The following ASAP1 variants were observed in gnomAD, a reference collection of about 807,000 sequenced individuals.
The protein encoded by ASAP1 is arf-GAP with SH3 domain, ANK repeat and PH domain-containing protein 1.
ASAP1 carries 43 observed loss-of-function variants against 145.2 expected under a neutral mutation model. That is an observed-to-expected ratio of 0.30 (90% CI 0.23 to 0.38). The LOEUF is 0.38. Ranked by LOEUF, ASAP1 falls within the 10% of genes least tolerant of loss-of-function variation. The pLI, the probability that ASAP1 is intolerant of heterozygous loss-of-function variation, is 1.00. For missense variants in ASAP1, 1,018 were observed against 1,355.3 expected, an observed-to-expected ratio of 0.75 and a Z score of 3.91; for synonymous variants, 546 against 515.5, an observed-to-expected ratio of 1.06 and a Z score of -0.80.
At chr8:130,223,284 G>A (rs1363985561) in intron 4 of ASAP1, among the ~76,000 whole-genome samples, 1 of 152,104 alleles carries the variant, frequency 6.6e-6, no homozygotes, top group Non-Finnish European at 1.5e-5. Flanking sequence ...GTGACACAGA[G>A]ACTTGGGTCT....
chr8:130,274,666 G>A (rs1457351470), intron 3 of ASAP1, among the ~76,000 whole-genome samples: 1 of 152,168 alleles, frequency 6.6e-6, no homozygotes, highest in Admixed American at 6.5e-5. Context: ...ATTCAAGTCC[G>A]AGTGATCAAC....
intron 4 of ASAP1, among the ~76,000 whole-genome samples, chr8:130,234,086 A>G (rs1818067840): frequency 6.6e-6 from 1 of 152,144 alleles, no homozygotes; most frequent in Non-Finnish European, 1.5e-5. Flanking sequence ...TAATCAACAA[A>G]GGTAAGAATC....
chr8:130,192,579 G>A lies in ASAP1; in HGVS notation c.406-4396C>T, dbSNP rs142432527. Among the ~76,000 whole-genome samples, 98 of 152,208 alleles carry A rather than the reference G, an allele frequency of 6.4e-4. 3 individuals are homozygous for A. The East Asian group carries it at 0.015, about 24-fold the overall frequency. On this transcript the variant is annotated intron_variant, in intron 5 of 29. Transcript: ENST00000518721. ...ATGGGCCTTAGAAGTTTGGATGGATGGTGGGTAAGTAAGGTTGGGGGGCCT... is the reference window on the plus strand; with the variant it reads ...ATGGGCCTTAGAAGTTTGGATGGATAGTGGGTAAGTAAGGTTGGGGGGCCT...
chr8:130,201,964 T>C (rs1354910324), intron 5 of ASAP1, among the ~76,000 whole-genome samples: 1 of 152,274 alleles, frequency 6.6e-6, no homozygotes, highest in East Asian at 1.9e-4. Flanking sequence ...AACAAACATA[T>C]GCAAGCACAC....
chr8:130,093,666 CAAAAAAA>C (rs71572317), intron 24 of ASAP1, among the ~76,000 whole-genome samples: 2 of 52,210 alleles, frequency 3.8e-5, no homozygotes, highest in Non-Finnish European at 6.8e-5. Context: ...GACTCCGTCT[CAAAAAAA>C]AAAAAAAAAA....
intron 5 of ASAP1, among the ~76,000 whole-genome samples, chr8:130,208,035 C>A (rs1032430551): frequency 2.6e-5 from 4 of 152,064 alleles, no homozygotes; most frequent in African/African-American, 9.7e-5. Context: ...AACACTTTCC[C>A]CTACTTTTCT....
At chr8:130,155,969 T>C (rs1209702909) in intron 12 of ASAP1, among the ~76,000 whole-genome samples, 1 of 152,252 alleles carries the variant, frequency 6.6e-6, no homozygotes, top group Non-Finnish European at 1.5e-5. Flanking sequence ...TCTCTAGCTA[T>C]GTGACTTTGC....
intron 24 of ASAP1, among the ~76,000 whole-genome samples, chr8:130,093,154 G>A (rs1418150802): frequency 1.3e-5 from 2 of 152,052 alleles, no homozygotes; most frequent in South Asian, 4.1e-4. Context: ...AAGACAGCAG[G>A]AATGATAGTA....
chr8:130,441,618 G>A (rs1830490865), intron 1 of ASAP1, among the ~76,000 whole-genome samples: 1 of 152,176 alleles, frequency 6.6e-6, no homozygotes, highest in Non-Finnish European at 1.5e-5. Context: ...ATGCCAGCTG[G>A]GACGTGAGTC....
At chr8:130,425,819 G>C (rs1260102311) in intron 1 of ASAP1, among the ~76,000 whole-genome samples, 1 of 152,172 alleles carries the variant, frequency 6.6e-6, no homozygotes, top group East Asian at 1.9e-4. Flanking sequence ...CAAACTTGAT[G>C]TATAGTATCT....
chr8:130,119,167 C>T (rs951168666), intron 18 of ASAP1, among the ~76,000 whole-genome samples: 2 of 152,164 alleles, frequency 1.3e-5, no homozygotes, highest in African/African-American at 4.8e-5. Flanking sequence ...TGGTCTTGAA[C>T]TCCTGAGCTC....
chr8:130,072,831 G>GTGCGT lies in ASAP1; in HGVS notation c.2701+3516_2701+3517insACGCA, dbSNP rs58907739. Among the ~76,000 whole-genome samples the GTGCGT allele has an allele frequency of 1.5e-3, 162 of 110,770 alleles. 6 individuals are homozygous for GTGCGT. In the Middle Eastern group the frequency reaches 0.018, roughly 12 times the overall value. The allele number at this position is 110,770 out of a possible 152,430, so 72.7% of individuals were successfully genotyped here. On this transcript the variant is annotated intron_variant, in intron 27 of 29. Transcript: ENST00000518721. ...TGTGTGTGTGTGTGTGTGTGCGCGC[G>GTGCGT]GGGGGGGGCAGTTTTGGGGACTGAG... is the stretch of plus-strand genomic sequence containing the variant.
At chr8:130,187,484 C>G (rs1814816876) in intron 6 of ASAP1, among the ~76,000 whole-genome samples, 199 bp from the exon 7 acceptor site, 1 of 151,138 alleles carries the variant, frequency 6.6e-6, no homozygotes, top group Non-Finnish European at 1.5e-5. Flanking sequence ...GCCACAATCA[C>G]AGCTCACTGT....
chr8:130,277,728 G>A (rs1367297850), intron 3 of ASAP1, among the ~76,000 whole-genome samples: 1 of 152,180 alleles, frequency 6.6e-6, no homozygotes, highest in Non-Finnish European at 1.5e-5. Flanking sequence ...CTCCAATTGG[G>A]AAATGATTTC....
At chr8:130,351,946 C>T (rs1826020556) in intron 3 of ASAP1, among the ~76,000 whole-genome samples, 1 of 152,196 alleles carries the variant, frequency 6.6e-6, no homozygotes, top group Non-Finnish European at 1.5e-5. Flanking sequence ...TATACAATTT[C>T]CTTCTCCCTT....
At chr8:130,428,378 T>C (rs1830002593) in intron 1 of ASAP1, among the ~76,000 whole-genome samples, 1 of 14,398 alleles carries the variant, frequency 6.9e-5, no homozygotes, top group South Asian at 1.9e-3. Flanking sequence ...GGCCACCTTC[T>C]GGGTGAGTCT....
At chr8:130,135,780 C>T (rs1586407562) in intron 14 of ASAP1, among the ~76,000 whole-genome samples, 1 of 152,284 alleles carries the variant, frequency 6.6e-6, no homozygotes, top group Non-Finnish European at 1.5e-5. Context: ...GGGTTTTTGG[C>T]TTTTTGAAGT....
chr8:130,347,008 C>T (rs1825738109), intron 3 of ASAP1, among the ~76,000 whole-genome samples: 1 of 152,152 alleles, frequency 6.6e-6, no homozygotes, highest in African/African-American at 2.4e-5. Flanking sequence ...AGTGAAGAAG[C>T]CGTTCAATGG....
rs1293690244 is a variant in ASAP1, at chr8:130,053,016, A to G, written c.*1715T>C. 2 of 152,190 alleles carry G rather than the reference A, an allele frequency of 1.3e-5. No individual in the cohort carries two copies. Among genetic ancestry groups the G allele is most frequent in the Admixed American group, 6.5e-5 (1 of 15,274 alleles). 9.4% of individuals were successfully genotyped at this position (152,190 alleles called of 1,614,324 possible). The stretch of plus-strand genomic sequence containing the variant: ...TGACACTGAGGAAGCAATTGCTTAA[A>G]ATCACTTTCCAATAACAGCTGATAA... On this transcript the variant is annotated 3_prime_UTR_variant, in exon 30 of 30. Transcript: ENST00000518721.
Sources: allele counts gnomAD v4.1 joint callset (sites outside exome capture counted in the v4.1 genomes callset), GRCh38; gene constraint gnomAD v4.1.1; transcripts MANE v1.5; gene names NCBI Gene and HGNC (gene_info 2026-07-23, HGNC 2026-07-21).